Variants in PM20D2 observed in about 807,000 individuals in gnomAD.
PM20D2 encodes the protein peptidase M20 domain containing 2, also known as xaa-Arg dipeptidase.
Under a neutral mutation model 42.9 loss-of-function variants are expected in PM20D2, and 33 were observed. The ratio of observed to expected loss-of-function variants is 0.77; its 90% confidence interval spans 0.58 to 1.03. The LOEUF is 1.03. PM20D2 is among the 50% of genes least tolerant of loss of function. The pLI, the probability that PM20D2 is intolerant of heterozygous loss-of-function variation, is 0.00. For missense variants in PM20D2, 548 were observed against 557.0 expected, an observed-to-expected ratio of 0.98 and a Z score of 0.16; for synonymous variants, 250 against 228.2, an observed-to-expected ratio of 1.10 and a Z score of -0.86.
upstream of PM20D2, chr6:89,145,959 G>T: frequency 6.7e-6 from 3 of 445,848 alleles, no homozygotes; most frequent in Non-Finnish European, 1.1e-5. Context: ...GGGTACGAGC[G>T]GCCGCCAGCG....
At chr6:89,111,346 T>A in the PM20D2 span, among the ~76,000 whole-genome samples, 1 of 152,200 alleles carries the variant, frequency 6.6e-6, no homozygotes, top group Admixed American at 6.5e-5. Context: ...ATGTTGTAGT[T>A]TTTGGTGCAA....
At chr6:89,141,642 A>G (rs6454738), upstream of PM20D2, among the ~76,000 whole-genome samples, 36,589 of 152,138 alleles carry the variant, frequency 0.24, 4,809 homozygotes, top group Non-Finnish European at 0.3. Flanking sequence ...CTGGGATTAC[A>G]AGCGTGAGCC....
At chr6:89,116,946 C>T in the PM20D2 span, among the ~76,000 whole-genome samples, 2 of 151,964 alleles carry the variant, frequency 1.3e-5, no homozygotes, top group Non-Finnish European at 2.9e-5. Context: ...CCCTTATGTA[C>T]AATAAAACAG....
chr6:89,161,954 C>T, intron 6 of PM20D2, 64 bp downstream of exon 6: 1 of 1,499,860 alleles, frequency 6.7e-7, no homozygotes, highest in Non-Finnish European at 9.3e-7. Flanking sequence ...AGCTGCCTTT[C>T]TGTTTAACCT....
the PM20D2 span, among the ~76,000 whole-genome samples, chr6:89,125,377 G>T: frequency 3.9e-5 from 6 of 152,030 alleles, no homozygotes; most frequent in Admixed American, 2.0e-4. Flanking sequence ...CTACTCAGGA[G>T]ACTGAGGCAG....
chr6:89,099,413 T>C, the PM20D2 span, among the ~76,000 whole-genome samples: 92,038 of 139,816 alleles, frequency 0.66, 30,330 homozygotes, highest in East Asian at 0.78. Context: ...CATATATATA[T>C]ACATATATAT....
the PM20D2 span, among the ~76,000 whole-genome samples, chr6:89,130,195 T>TA: frequency 6.6e-6 from 1 of 151,872 alleles, no homozygotes; most frequent in Admixed American, 6.6e-5. Flanking sequence ...ACGGTCCTCA[T>TA]ACCCCAACCT....
the PM20D2 span, chr6:89,117,700 T>A: frequency 1.0e-6 from 1 of 993,960 alleles, no homozygotes; most frequent in Non-Finnish European, 1.4e-6. Context: ...TGGCGCAGCC[T>A]GGGCCCGCGG....
upstream of PM20D2, among the ~76,000 whole-genome samples, chr6:89,143,602 G>A (rs1380444249): frequency 1.3e-5 from 2 of 152,166 alleles, no homozygotes; most frequent in East Asian, 3.8e-4. Context: ...TCCAGCACCA[G>A]CTAAAGGAAG....
At chr6:89,104,222 CCTTTT>C in the PM20D2 span, among the ~76,000 whole-genome samples, 2 of 77,686 alleles carry the variant, frequency 2.6e-5, no homozygotes, top group Non-Finnish European at 2.7e-5. Flanking sequence ...AAACTCATCA[CCTTTT>C]TTTTTTTTTT....
rs1771377069 is a variant in PM20D2, at chr6:89,165,135, C to A, written c.*2872C>A. On this transcript the variant is annotated 3_prime_UTR_variant, in exon 7 of 7. Transcript: ENST00000275072. ...TCATTTTGAACAAAAGAAATTGATA[C>A]AATAAGTTTTTTTTTTTAAGGATGA... 1 of 151,190 alleles carries A rather than the reference C, an allele frequency of 6.6e-6. No individual in the cohort carries two copies. The highest frequency in any genetic ancestry group is 6.6e-5 in the Admixed American group (1 of 15,174). The allele number at this position is 151,190 out of a possible 1,614,324, so 9.4% of individuals were successfully genotyped here.
the PM20D2 span, among the ~76,000 whole-genome samples, chr6:89,131,460 G>GAA: frequency 6.6e-6 from 1 of 151,178 alleles, no homozygotes; most frequent in Non-Finnish European, 1.5e-5. Flanking sequence ...GACTGAGGCG[G>GAA]GAAGATAATT....
At chr6:89,107,337 C>T in the PM20D2 span, 266 of 1,085,690 alleles carry the variant, frequency 2.5e-4, no homozygotes, top group South Asian at 2.0e-3. Context: ...CCACTTGAAA[C>T]CTTCAAAAGA....
rs1425419900 is a variant in PM20D2 at position 89,163,651 on chromosome 6, A to G, written c.*1388A>G. The stretch of plus-strand genomic sequence containing the variant: ...TGAGGCACTGCACCTGGCCCTGACC[A>G]TTTTTTAAAAAGGTTAGGCTTAGTG... On this transcript the variant is annotated 3_prime_UTR_variant, in exon 7 of 7. Transcript: ENST00000275072. 1 of 152,186 alleles carries G rather than the reference A, an allele frequency of 6.6e-6. No homozygotes were observed. The highest frequency in any genetic ancestry group is 1.5e-5 in the Non-Finnish European group (1 of 68,026). 9.4% of individuals were successfully genotyped at this position (152,186 alleles called of 1,614,324 possible).
intron 3 of PM20D2, 29 bp downstream of exon 3, chr6:89,153,214 G>C: frequency 6.5e-7 from 1 of 1,528,636 alleles, no homozygotes; most frequent in Non-Finnish European, 8.8e-7. Context: ...TTCTATAATA[G>C]ATGGTGCTTG....
At chr6:89,112,804 T>C in the PM20D2 span, among the ~76,000 whole-genome samples, 72 of 152,324 alleles carry the variant, frequency 4.7e-4, no homozygotes, top group African/African-American at 1.6e-3. Flanking sequence ...TGATGAACCA[T>C]ATATATCATG....
chr6:89,155,449 G>A (rs958828071), intron 4 of PM20D2, among the ~76,000 whole-genome samples: 10 of 151,166 alleles, frequency 6.6e-5, no homozygotes, highest in Non-Finnish European at 1.0e-4. Context: ...CACCACACGT[G>A]GCTAATTTTT....
At chr6:89,116,762 C>T in the PM20D2 span, among the ~76,000 whole-genome samples, 3 of 141,612 alleles carry the variant, frequency 2.1e-5, no homozygotes, top group African/African-American at 7.9e-5. Flanking sequence ...GGGACAAGAG[C>T]GAGACTTTGT....
At position 89,149,284 on chromosome 6, in the gene PM20D2, C is replaced by G. The variant is rs1484219033; in HGVS notation, c.485C>G (p.Pro162Arg). ...PPVKVVVLGT[P>R]AEEDGGGKID... is the part of the protein sequence containing the mutation. ...TTCTAGGTAGTTGTCCTGGGAACCCCTGCAGAAGAAGATGGTGGTGGCAAA... is the reference window on the plus strand; with the variant it reads ...TTCTAGGTAGTTGTCCTGGGAACCCGTGCAGAAGAAGATGGTGGTGGCAAA... Residue 162 changes from proline (P) to arginine (R), a missense_variant, in exon 2 of 7, where the codon CCT (proline) becomes CGT (arginine). Physicochemically the swap from Pro to Arg is moderately radical, Grantham distance 103. This residue lies in a region of PM20D2 where 470 missense variants were observed against 464.4 expected (regional missense o/e 1.01). Coordinates refer to ENST00000275072, the MANE Select transcript of PM20D2 (RefSeq NM_001010853.3). 1 of 1,613,888 alleles carries G rather than the reference C, an allele frequency of 6.2e-7. No homozygotes were observed. Among genetic ancestry groups the G allele is most frequent in the African/African-American group, 1.3e-5 (1 of 74,936 alleles).
Sources: gnomAD v4.1 joint callset for allele counts (sites outside exome capture counted in the v4.1 genomes callset) on GRCh38, gnomAD v4.1.1 for gene constraint, gnomAD v4.1.1 regional missense constraint, MANE v1.5 for transcripts, NCBI Gene and HGNC (gene_info 2026-07-23, HGNC 2026-07-21) for gene names.